TRPM4: variants seen among roughly 807,000 people sequenced by gnomAD.
TRPM4 encodes transient receptor potential cation channel subfamily M member 4.
A neutral mutation model predicts 135.6 loss-of-function variants in TRPM4; 124 were observed. The observed-to-expected ratio is 0.91, with a 90% confidence interval of 0.79 to 1.06. The LOEUF (loss-of-function observed/expected upper bound fraction) is 1.06, where lower values mean the gene tolerates loss of function less well. Ranked by LOEUF, TRPM4 falls within the 50% of genes least tolerant of loss-of-function variation. The pLI, the probability that TRPM4 is intolerant of heterozygous loss-of-function variation, is 0.00. For synonymous variants in TRPM4, 745 were observed against 705.6 expected, an observed-to-expected ratio of 1.06 and a Z score of -0.88; for missense variants, 1,658 against 1,671.4, an observed-to-expected ratio of 0.99 and a Z score of 0.14.
chr19:49,206,778 G>C (rs1969170288), intron 20 of TRPM4, among the ~76,000 whole-genome samples: 1 of 152,212 alleles, frequency 6.6e-6, no homozygotes, highest in African/African-American at 2.4e-5. Flanking sequence ...TGAATCTGTA[G>C]ATTGCTTCGG....
intron 11 of TRPM4, 31 bp downstream of exon 11, chr19:49,182,953 C>G (rs776616646): frequency 1.6e-5 from 25 of 1,582,326 alleles, no homozygotes; most frequent in African/African-American, 6.7e-5. Flanking sequence ...GGGGGCCCCC[C>G]CGCGCGGGAA....
At chr19:49,180,432 G>C (rs1480855945) in intron 9 of TRPM4, among the ~76,000 whole-genome samples, 7 of 41,672 alleles carry the variant, frequency 1.7e-4, no homozygotes, top group Admixed American at 5.2e-4. Context: ...CATCTGCTGT[G>C]TGTGTGTGTG....
intron 9 of TRPM4, among the ~76,000 whole-genome samples, chr19:49,173,126 A>G (rs1194107225): frequency 6.8e-6 from 1 of 146,468 alleles, no homozygotes; most frequent in Non-Finnish European, 1.5e-5. Context: ...CTGTCCATCC[A>G]TGCATCCACT....
At position 49,203,440 on chromosome 19, in the gene TRPM4, G is replaced by A. The variant is rs182708409; in HGVS notation, c.3131+1299G>A. On this transcript the variant is annotated intron_variant, in intron 20 of 24. Coordinates refer to ENST00000252826, the MANE Select transcript of TRPM4 (RefSeq NM_017636.4). ...GTGATCCGCCCGCCTTGGCCTCCCA[G>A]AGTGCTGGGATTACTGACATGAGCC... 3.6e-3 allele frequency among the ~76,000 whole-genome samples: 542 copies of A among 152,132 alleles called. 1 individual carries two copies. Among genetic ancestry groups the A allele is most frequent in the African/African-American group, 0.012 (485 of 41,510 alleles).
intron 10 of TRPM4, 99 bp from the exon 11 acceptor site, chr19:49,182,451 CCCATCCATCCATCCATCCATCCATCCAT>C (rs61258103): frequency 2.6e-5 from 18 of 687,692 alleles, no homozygotes; most frequent in African/African-American, 2.0e-4. Context: ...CATCCATCCA[CCCATCCATCCATCCATCCATCCATCCAT>C]CCATCCATCC....
intron 17 of TRPM4, among the ~76,000 whole-genome samples, chr19:49,198,187 A>C (rs1316527671): frequency 6.6e-6 from 1 of 152,192 alleles, no homozygotes; most frequent in Non-Finnish European, 1.5e-5. Flanking sequence ...AGTTTTGCAG[A>C]ACACTAATAC....
chr19:49,184,135 G>A (rs1176933508), intron 12 of TRPM4, among the ~76,000 whole-genome samples: 2 of 152,012 alleles, frequency 1.3e-5, no homozygotes, highest in Non-Finnish European at 2.9e-5. Flanking sequence ...CATTTTGGAA[G>A]TTTTTAGGAC....
At position 49,182,769 on chromosome 19, in the gene TRPM4, C is replaced by T; in HGVS notation, c.1455C>T (p.Gly485=). 2 of 1,613,948 alleles carry T rather than the reference C, an allele frequency of 1.2e-6. No individual in the cohort carries two copies. The highest frequency in any genetic ancestry group is 1.7e-6 in the Non-Finnish European group (2 of 1,179,862). The change falls in exon 11 of 25, where the codon GGC becomes GGT. Residue 485 remains glycine (G), a synonymous_variant. Coordinates refer to ENST00000252826, the MANE Select transcript of TRPM4 (RefSeq NM_017636.4). ...TGGACCAGGCGTCCCACAGCGCAGG[C>T]ACCAAAGCCCCAGCCCTAAAAGGGG... ...NLLDQASHSA[G]TKAPALKGGA... is the part of the protein sequence containing the mutation.
chr19:49,160,919 G>A (rs1263304399), intron 2 of TRPM4, among the ~76,000 whole-genome samples: 3 of 152,054 alleles, frequency 2.0e-5, no homozygotes, highest in Non-Finnish European at 2.9e-5. Flanking sequence ...TGAGGGTGAT[G>A]AGGGAGAGAG....
chr19:49,205,933 C>T (rs112417910), intron 20 of TRPM4, among the ~76,000 whole-genome samples: 8,477 of 152,144 alleles, frequency 0.056, 704 homozygotes, highest in African/African-American at 0.17. Flanking sequence ...CACTGGATTG[C>T]GTCTATCCTT....
intron 16 of TRPM4, among the ~76,000 whole-genome samples, chr19:49,193,060 A>G (rs1968470317): frequency 6.7e-6 from 1 of 149,840 alleles, no homozygotes; most frequent in Admixed American, 6.7e-5. Flanking sequence ...ACTGTGCTCA[A>G]TTCTTTTGAA....
intron 16 of TRPM4, among the ~76,000 whole-genome samples, chr19:49,193,533 T>C (rs1968493685): frequency 6.6e-6 from 1 of 152,140 alleles, no homozygotes; most frequent in Admixed American, 6.6e-5. Flanking sequence ...GATCCTCTTG[T>C]ACCTGAGTCT....
chr19:49,189,384 G>A (rs1361045412), intron 14 of TRPM4, among the ~76,000 whole-genome samples: 1 of 152,186 alleles, frequency 6.6e-6, no homozygotes, highest in African/African-American at 2.4e-5. Flanking sequence ...AACCTTGGAA[G>A]TCCTTCCCGC....
chr19:49,210,301 TG>T lies in TRPM4; in HGVS notation c.3226del (p.Ala1076ProfsTer47), dbSNP rs2145996179. On this transcript the variant is annotated frameshift_variant, in exon 21 of 25. Transcript: ENST00000252826. LOFTEE classifies it high-confidence loss of function. The surrounding 1 kb of genome is among the most constrained non-coding windows in gnomAD (Gnocchi z 4.1). ...CGGGAATTCCACTCTCGGCCCGCGC[TG>T]GCCCCGCCCTTTATCGTCATCTCCC... is the stretch of plus-strand genomic sequence containing the variant. ...LIREFHSRPA[L>X]APPFIVISHL... 1 of 1,614,222 alleles carries T rather than the reference TG, an allele frequency of 6.2e-7. No homozygotes were observed. The highest frequency in any genetic ancestry group is 8.5e-7 in the Non-Finnish European group (1 of 1,180,050).
chr19:49,170,435 C>T (rs1223729225), intron 6 of TRPM4, among the ~76,000 whole-genome samples: 2 of 151,832 alleles, frequency 1.3e-5, no homozygotes, highest in African/African-American at 2.4e-5. Flanking sequence ...GTGATCCACC[C>T]GCCTCGGCCT....
In TRPM4 at chr19:49,166,336, T is replaced by C. The variant is rs1967178173; in HGVS notation, c.267+121T>C. ...CCTCCGCCCATCCCTGTCTTGGCTC[T>C]CTTTGTCCCCTCCGCCCCACCTATC... On this transcript the variant is annotated intron_variant, in intron 3 of 24. Coordinates refer to ENST00000252826, the MANE Select transcript of TRPM4 (RefSeq NM_017636.4). 1.1e-5 allele frequency: 12 copies of C among 1,066,466 alleles called. No individual in the cohort carries two copies. In the South Asian group the frequency reaches 2.0e-4, roughly 17 times the overall value. The allele number at this position is 1,066,466 out of a possible 1,614,324, so 66.1% of individuals were successfully genotyped here. A position where few individuals can be genotyped will look rare whatever the true frequency, so the allele number is the denominator to read the frequency against.
intron 3 of TRPM4, among the ~76,000 whole-genome samples, chr19:49,166,751 T>TGTCTCTGTCTCTCTGG (rs1967200813): frequency 3.3e-5 from 5 of 150,694 alleles, no homozygotes; most frequent in Non-Finnish European, 7.4e-5. Context: ...TCTGGGTCTC[T>TGTCTCTGTCTCTCTGG]GTCTCTGTCT....
intron 1 of TRPM4, 90 bp downstream of exon 1, chr19:49,157,980 C>T (rs1406049467): frequency 6.9e-7 from 1 of 1,443,110 alleles, no homozygotes; most frequent in Non-Finnish European, 9.4e-7. Context: ...ACCCAGATTC[C>T]TGGGTCAGAC....
At chr19:49,204,321 G>A (rs766179844) in intron 20 of TRPM4, among the ~76,000 whole-genome samples, 3 of 152,040 alleles carry the variant, frequency 2.0e-5, no homozygotes, top group Non-Finnish European at 4.4e-5. Context: ...ATAGCTTTTT[G>A]AGAAACCACC....
Sources: allele counts gnomAD v4.1 joint callset (sites outside exome capture counted in the v4.1 genomes callset), GRCh38; gene constraint gnomAD v4.1.1; non-coding constraint Gnocchi (gnomAD v3.1); transcripts MANE v1.5; gene names NCBI Gene and HGNC (gene_info 2026-07-23, HGNC 2026-07-21).